Variants in ASIC2 observed in about 807,000 individuals in gnomAD.
ASIC2 encodes the protein acid sensing ion channel subunit 2.
Under a neutral mutation model 57.3 loss-of-function variants are expected in ASIC2, and 25 were observed. The ratio of observed to expected loss-of-function variants is 0.44; its 90% CI spans 0.32 to 0.61. The LOEUF (loss-of-function observed/expected upper bound fraction) is 0.61, where lower values mean the gene tolerates loss of function less well. Ranked by LOEUF, ASIC2 falls within the 20% of genes least tolerant of loss-of-function variation. ASIC2 has a pLI of 0.06. For missense variants in ASIC2, 641 were observed against 738.1 expected (o/e 0.87, Z 1.52); for synonymous variants, 319 against 307.5 (o/e 1.04, Z -0.39).
chr17:33,395,590 A>T (rs1409235439), intron 1 of ASIC2, among the ~76,000 whole-genome samples: 2 of 152,216 alleles, frequency 1.3e-5, no homozygotes, highest in Non-Finnish European at 2.9e-5. Flanking sequence ...ATCACCATCC[A>T]TCTGTCCATC....
At chr17:33,889,684 C>T (rs578065236) in intron 1 of ASIC2, among the ~76,000 whole-genome samples, 6 of 152,200 alleles carry the variant, frequency 3.9e-5, no homozygotes, top group East Asian at 1.9e-4. Context: ...TTAAAATCTT[C>T]GTTAGCGTCC....
At chr17:34,120,722 C>CTTTTTTTTTTTTTTTTTTTTTTTTT (rs142959293) in intron 1 of ASIC2, among the ~76,000 whole-genome samples, 1 of 94,626 alleles carries the variant, frequency 1.1e-5, no homozygotes, top group Non-Finnish European at 2.0e-5. Flanking sequence ...TGGGGTCCTT[C>CTTTTTTTTTTTTTTTTTTTTTTTTT]TTTTTTTTTT....
At chr17:33,809,805 T>C (rs867123326) in intron 1 of ASIC2, among the ~76,000 whole-genome samples, 11 of 152,340 alleles carry the variant, frequency 7.2e-5, no homozygotes, top group South Asian at 2.1e-4. Context: ...ATATGTGCTG[T>C]CTCTCTCCAT....
intron 1 of ASIC2, among the ~76,000 whole-genome samples, chr17:33,765,033 T>C (rs1910893977): frequency 6.6e-6 from 1 of 152,178 alleles, no homozygotes; most frequent in African/African-American, 2.4e-5. Context: ...TCCTAGATAG[T>C]CTTTCTGGAG....
At chr17:34,128,621 A>T (rs1279567525) in intron 1 of ASIC2, among the ~76,000 whole-genome samples, 1 of 152,224 alleles carries the variant, frequency 6.6e-6, no homozygotes, top group African/African-American at 2.4e-5. Context: ...TTATGGGAGT[A>T]GTTCTAGCAC....
rs566655989 is a variant in ASIC2, at chr17:33,123,039, G to T, written c.709-10972C>A. 2.6e-4 allele frequency among the ~76,000 whole-genome samples: 39 copies of T among 152,334 alleles called. No individual in the cohort carries two copies. The South Asian group carries it at 7.9e-3, about 31-fold the overall frequency. On this transcript the variant is annotated intron_variant, in intron 1 of 9. Transcript: ENST00000225823. ...AAAAGGGAACATGTGTACACTGTTG[G>T]TGGGAATGTAAATTAGTACACTCAT... is the stretch of plus-strand genomic sequence containing the variant.
chr17:33,821,699 T>C (rs545355399), intron 1 of ASIC2, among the ~76,000 whole-genome samples: 19 of 152,366 alleles, frequency 1.2e-4, no homozygotes, highest in African/African-American at 4.3e-4. Context: ...AAGTCAGTCC[T>C]GAAACAGATT....
chr17:33,587,269 C>T (rs1254288056), intron 1 of ASIC2, among the ~76,000 whole-genome samples: 1 of 152,196 alleles, frequency 6.6e-6, no homozygotes, highest in African/African-American at 2.4e-5. Context: ...TTGGCTTAAA[C>T]CATAACCCTA....
At chr17:33,132,902 T>C (rs4794940) in intron 1 of ASIC2, among the ~76,000 whole-genome samples, 101,240 of 152,100 alleles carry the variant, frequency 0.67, 34,747 homozygotes, top group African/African-American at 0.83. Context: ...AATCATGAGC[T>C]GAATTTTAAT....
At chr17:33,372,154 C>T (rs1004299754) in intron 1 of ASIC2, among the ~76,000 whole-genome samples, 2 of 152,026 alleles carry the variant, frequency 1.3e-5, no homozygotes, top group East Asian at 1.9e-4. Flanking sequence ...CTTCCTGCTG[C>T]GAGTGTCCAT....
intron 1 of ASIC2, among the ~76,000 whole-genome samples, chr17:33,190,735 G>A (rs1906380992): frequency 6.6e-6 from 1 of 152,102 alleles, no homozygotes; most frequent in Non-Finnish European, 1.5e-5. Flanking sequence ...AACATCAGAA[G>A]TCATTAAGGA....
intron 1 of ASIC2, among the ~76,000 whole-genome samples, chr17:33,254,928 T>C (rs1158196105): frequency 1.3e-5 from 2 of 152,070 alleles, no homozygotes; most frequent in Admixed American, 6.6e-5. Flanking sequence ...GTTGGGGAGT[T>C]CTATGGAATT....
At chr17:33,190,822 T>C (rs1032013157) in intron 1 of ASIC2, among the ~76,000 whole-genome samples, 1 of 150,206 alleles carries the variant, frequency 6.7e-6, no homozygotes, top group Non-Finnish European at 1.5e-5. Context: ...AGACTGACCA[T>C]CCCAAGGGTC....
At chr17:33,569,392 T>C (rs1567653713) in intron 1 of ASIC2, 1 of 152,274 alleles carries the variant, frequency 6.6e-6, no homozygotes, top group Non-Finnish European at 1.5e-5. Context: ...AGCTGGAGAC[T>C]GTCTGTGATC....
chr17:33,027,253 A>G (rs2091863104), intron 4 of ASIC2, among the ~76,000 whole-genome samples: 1 of 152,164 alleles, frequency 6.6e-6, no homozygotes, highest in Non-Finnish European at 1.5e-5. Flanking sequence ...CCCTGGCTGG[A>G]AAAGGGGGGT....
intron 1 of ASIC2, among the ~76,000 whole-genome samples, chr17:33,488,274 T>G (rs558855290): frequency 1.3e-5 from 2 of 152,282 alleles, no homozygotes; most frequent in Admixed American, 1.3e-4. Context: ...CCAGACAGAC[T>G]GCTCTTCTAA....
chr17:33,999,934 T>C (rs938071857), intron 1 of ASIC2, among the ~76,000 whole-genome samples: 1 of 152,118 alleles, frequency 6.6e-6, no homozygotes, highest in African/African-American at 2.4e-5. Flanking sequence ...TCTTGTAAAG[T>C]GCTCTAGTGG....
chr17:33,515,406 T>G (rs1597759384), intron 1 of ASIC2, among the ~76,000 whole-genome samples: 1 of 152,228 alleles, frequency 6.6e-6, no homozygotes, highest in African/African-American at 2.4e-5. Flanking sequence ...AGCACAGCTC[T>G]GGCACCAAAC....
intron 3 of ASIC2, among the ~76,000 whole-genome samples, chr17:33,087,788 G>A (rs1339674195): frequency 6.6e-6 from 1 of 151,456 alleles, no homozygotes; most frequent in African/African-American, 2.4e-5. Flanking sequence ...TGAATTTCTG[G>A]GCTCAAGGAA....
Sources: allele counts gnomAD v4.1 joint callset (sites outside exome capture counted in the v4.1 genomes callset), GRCh38; gene constraint gnomAD v4.1.1; transcripts MANE v1.5; gene names NCBI Gene and HGNC (gene_info 2026-07-23, HGNC 2026-07-21).